The following ANK2 variants were observed in gnomAD, a reference collection of about 807,000 sequenced individuals.
The protein encoded by ANK2 is ankyrin 2, also known as ankyrin-2.
ANK2 carries 83 observed loss-of-function variants against 360.5 expected under a neutral mutation model. The observed-to-expected ratio is 0.23, with a 90% CI of 0.19 to 0.28. ANK2 has a LOEUF of 0.28. Ranked by LOEUF, ANK2 falls within the 10% of genes least tolerant of loss-of-function variation. The probability of loss-of-function intolerance (pLI) is 1.00; values close to 1 mark genes in which losing one functional copy is unlikely to be tolerated. For synonymous variants in ANK2, 1,740 were observed against 1,759.5 expected (o/e 0.99, Z 0.28); for missense variants, 4,201 against 4,795.7 (o/e 0.88, Z 3.66).
At chr4:113,029,337 C>T (rs971217896) in intron 2 of ANK2, among the ~76,000 whole-genome samples, 2 of 152,010 alleles carry the variant, frequency 1.3e-5, no homozygotes, top group African/African-American at 4.8e-5. Flanking sequence ...TGGGCTCAAG[C>T]AATTCTCCTG....
At position 113,264,878 on chromosome 4, in the gene ANK2, G is replaced by T. The variant is rs769018760; in HGVS notation, c.1387-19G>T. ...GCGGTGGGTTAATTTATGATTTGAC[G>T]ATCTTTGTTCCCTGGCAGCGTGGTG... On this transcript the variant is annotated intron_variant, in intron 13 of 45. Coordinates refer to ENST00000357077, the MANE Select transcript of ANK2 (RefSeq NM_001148.6). The T allele has an allele frequency of 1.3e-5, 20 of 1,553,802 alleles. 1 individual carries two copies. Among genetic ancestry groups the T allele is most frequent in the African/African-American group, 5.5e-5 (4 of 73,300 alleles).
At chr4:112,805,840 G>A in the ANK2 span, among the ~76,000 whole-genome samples, 1 of 152,132 alleles carries the variant, frequency 6.6e-6, no homozygotes, top group African/African-American at 2.4e-5. Flanking sequence ...CTCCCAAAGT[G>A]CTGGTATTAC....
intron 1 of ANK2, among the ~76,000 whole-genome samples, chr4:113,171,646 A>G (rs989533259): frequency 3.3e-5 from 5 of 152,200 alleles, no homozygotes; most frequent in Admixed American, 2.6e-4. Context: ...TTACATTTCC[A>G]TAGGACCCAG....
intron 1 of ANK2, among the ~76,000 whole-genome samples, chr4:113,109,460 T>G (rs1477250157): frequency 4.6e-5 from 7 of 152,216 alleles, no homozygotes; most frequent in Non-Finnish European, 1.0e-4. Context: ...GCTGAAGGTC[T>G]CGTTATTTAT....
chr4:113,223,391 A>T (rs112963004), intron 4 of ANK2, among the ~76,000 whole-genome samples: 1 of 152,286 alleles, frequency 6.6e-6, no homozygotes, highest in Non-Finnish European at 1.5e-5. Context: ...TTGAACCCAG[A>T]TCTTTCTGTA....
chr4:113,134,006 A>G (rs531324899), intron 1 of ANK2, among the ~76,000 whole-genome samples: 2 of 148,828 alleles, frequency 1.3e-5, no homozygotes, highest in African/African-American at 2.4e-5. Flanking sequence ...GATGTGATTT[A>G]CACTACAGCA....
chr4:112,935,715 A>G (rs1165229086), intron 2 of ANK2, among the ~76,000 whole-genome samples: 1 of 152,096 alleles, frequency 6.6e-6, no homozygotes, highest in East Asian at 1.9e-4. Context: ...GGTGGCGCAC[A>G]CCTGTATTCA....
rs59674042 is a variant in ANK2, at chr4:112,935,843, AAAACAAAC to A, written c.21+31354_21+31361del. Among the ~76,000 whole-genome samples, 678 of 150,860 alleles carry A rather than the reference AAAACAAAC, an allele frequency of 4.5e-3. 3 individuals carry two copies. The highest frequency in any genetic ancestry group is 0.031 in the Middle Eastern group (9 of 292). On this transcript the variant is annotated intron_variant, in intron 2 of 30. Transcript: ENST00000503271. Reference sequence around the variant, plus strand: ...GGGCAAAAGACTGAGACCTTGTCTCAAAACAAACAAACAAACAAACAAACAAACAAACT... The same window carrying A: ...GGGCAAAAGACTGAGACCTTGTCTCAAAACAAACAAACAAACAAACAAACT...
At chr4:112,723,113 C>A in the ANK2 span, among the ~76,000 whole-genome samples, 4 of 152,216 alleles carry the variant, frequency 2.6e-5, no homozygotes, top group African/African-American at 9.6e-5. Context: ...TCAACAACTT[C>A]TGATACACCT....
intron 4 of ANK2, among the ~76,000 whole-genome samples, chr4:113,205,894 T>C (rs1239632263): frequency 6.6e-6 from 1 of 152,170 alleles, no homozygotes; most frequent in Admixed American, 6.5e-5. Flanking sequence ...CAAAAACTTG[T>C]AATGGAACAT....
In ANK2 at chr4:112,886,711, GAATGTA is replaced by G. The variant is rs2078496218; in HGVS notation, c.-39-17741_-39-17736del. Among the ~76,000 whole-genome samples the G allele has an allele frequency of 2.0e-5, 3 of 152,010 alleles. No individual in the cohort carries two copies. The South Asian group carries it at 6.2e-4, about 32-fold the overall frequency. On this transcript the variant is annotated intron_variant, in intron 1 of 30. Coordinates refer to the ANK2 transcript ENST00000503271. ...AAACAAATAGACTTTCCCTAAAAAA[GAATGTA>G]AAATTGATCCGGATGGAGCCAAAGT...
intron 45 of ANK2, among the ~76,000 whole-genome samples, chr4:113,374,438 G>T (rs1361399360): frequency 6.6e-6 from 1 of 152,136 alleles, no homozygotes; most frequent in African/African-American, 2.4e-5. Flanking sequence ...AATACCAAAA[G>T]AAATTATTTA....
intron 22 of ANK2, among the ~76,000 whole-genome samples, chr4:113,297,666 C>A (rs1245245397): frequency 6.6e-6 from 1 of 151,984 alleles, no homozygotes; most frequent in Non-Finnish European, 1.5e-5. Context: ...AATATAGGTC[C>A]ATCGATTAGA....
chr4:113,195,924 C>T (rs1306592101), intron 2 of ANK2, among the ~76,000 whole-genome samples: 2 of 151,980 alleles, frequency 1.3e-5, no homozygotes, highest in African/African-American at 4.8e-5. Context: ...CTGTAAATCC[C>T]AGGAGGTGGG....
the ANK2 span, among the ~76,000 whole-genome samples, chr4:112,733,265 T>C: frequency 6.6e-6 from 1 of 152,146 alleles, no homozygotes; most frequent in Admixed American, 6.6e-5. Flanking sequence ...CTGTTATTTA[T>C]ATCTCCCTGA....
chr4:112,867,517 A>G (rs926389499), intron 1 of ANK2, among the ~76,000 whole-genome samples: 7 of 152,062 alleles, frequency 4.6e-5, no homozygotes, highest in Non-Finnish European at 7.4e-5. Context: ...TATGATTTTC[A>G]TCATGCTAAA....
chr4:112,914,918 G>C (rs1383375096), intron 2 of ANK2, among the ~76,000 whole-genome samples: 1 of 152,178 alleles, frequency 6.6e-6, no homozygotes, highest in Non-Finnish European at 1.5e-5. Flanking sequence ...TGAATTTGAA[G>C]ATGGGAATTC....
At chr4:113,160,084 T>C (rs970152305) in intron 1 of ANK2, among the ~76,000 whole-genome samples, 3 of 152,214 alleles carry the variant, frequency 2.0e-5, no homozygotes, top group Non-Finnish European at 4.4e-5. Context: ...GCCTGTCTAG[T>C]CAAGTGTATT....
At chr4:113,270,394 G>A (rs1489589805) in intron 14 of ANK2, among the ~76,000 whole-genome samples, 1 of 151,772 alleles carries the variant, frequency 6.6e-6, no homozygotes, top group Non-Finnish European at 1.5e-5. Context: ...AAGCACCACT[G>A]GCAACAGAGT....
Sources: allele counts gnomAD v4.1 joint callset (sites outside exome capture counted in the v4.1 genomes callset), GRCh38; gene constraint gnomAD v4.1.1; transcripts MANE v1.5; gene names NCBI Gene and HGNC (gene_info 2026-07-23, HGNC 2026-07-21).